Variants in SCGN observed in about 807,000 individuals in gnomAD.
The protein encoded by SCGN is secretagogin, EF-hand calcium binding protein, also known as secretagogin.
In SCGN, 30 loss-of-function variants were observed where a neutral mutation model predicts 39.7. That is an observed-to-expected ratio of 0.76 (90% CI 0.57 to 1.03). The LOEUF (loss-of-function observed/expected upper bound fraction) is 1.03, where lower values mean the gene tolerates loss of function less well. SCGN is among the 50% of genes least tolerant of loss of function. SCGN has a pLI of 0.00. For missense variants in SCGN, 353 were observed against 349.4 expected (o/e 1.01, Z -0.08); for synonymous variants, 106 against 114.1 (o/e 0.93, Z 0.45).
chr6:25,699,692 AAGTC>A (rs994989881), intron 10 of SCGN, among the ~76,000 whole-genome samples: 1 of 152,162 alleles, frequency 6.6e-6, no homozygotes, highest in African/African-American at 2.4e-5. Context: ...GGATTTTACA[AAGTC>A]AGTGCCCACC....
chr6:25,658,459 T>G (rs780917549), intron 2 of SCGN, among the ~76,000 whole-genome samples: 2 of 152,152 alleles, frequency 1.3e-5, no homozygotes, highest in African/African-American at 4.8e-5. Context: ...TTAATCATTT[T>G]GGGTTTCTAA....
chr6:25,689,557 C>T (rs759028048), intron 9 of SCGN, 25 bp downstream of exon 9: 1 of 1,598,278 alleles, frequency 6.3e-7, no homozygotes, highest in Non-Finnish European at 8.6e-7. Context: ...TTATACTGTG[C>T]TGGCCATCTC....
chr6:25,667,695 A>G (rs1760445227), intron 4 of SCGN, among the ~76,000 whole-genome samples: 1 of 152,138 alleles, frequency 6.6e-6, no homozygotes, highest in Non-Finnish European at 1.5e-5. Context: ...TTCTTCCTAG[A>G]GTATATCCTT....
chr6:25,664,991 C>T lies in SCGN; in HGVS notation c.295C>T (p.Arg99Cys), dbSNP rs200726171. 1.1e-4 allele frequency: 173 copies of T among 1,614,016 alleles called. No homozygotes were observed. In the Middle Eastern group the frequency reaches 1.5e-3, roughly 14 times the overall value. ...GGATGAAAACTTTCTTCTGCTCTTTCGCCGGGAAAACCCACTGGACAGCAG... is the reference window on the plus strand; with the variant it reads ...GGATGAAAACTTTCTTCTGCTCTTTTGCCGGGAAAACCCACTGGACAGCAG... The part of the protein sequence containing the change: ...SEDENFLLLF[R>C]RENPLDSSVE... Residue 99 changes from arginine to cysteine, a missense_variant, in exon 4 of 11, where the codon CGC becomes TGC. Arg to Cys is a radical substitution (Grantham distance 180, BLOSUM62 -3). Coordinates refer to ENST00000377961, the MANE Select transcript of SCGN (RefSeq NM_006998.4).
chr6:25,694,623 T>A (rs190820382), intron 10 of SCGN, among the ~76,000 whole-genome samples: 7 of 152,338 alleles, frequency 4.6e-5, no homozygotes, highest in Non-Finnish European at 8.8e-5. Flanking sequence ...TTTATTGGGA[T>A]TCTCCAGATG....
chr6:25,681,811 C>G, intron 6 of SCGN, 140 bp from the exon 7 acceptor site: 1 of 676,568 alleles, frequency 1.5e-6, no homozygotes, highest in Non-Finnish European at 2.7e-6. Flanking sequence ...GTGACAAATA[C>G]TAATTTTCCC....
intron 6 of SCGN, among the ~76,000 whole-genome samples, chr6:25,680,703 A>G (rs1454534183): frequency 2.0e-5 from 3 of 152,154 alleles, no homozygotes; most frequent in East Asian, 1.9e-4. Flanking sequence ...GTTTATCCCC[A>G]TCAGACTTTT....
intron 2 of SCGN, among the ~76,000 whole-genome samples, chr6:25,661,282 G>A (rs1760330786): frequency 6.6e-6 from 1 of 152,116 alleles, no homozygotes; most frequent in Non-Finnish European, 1.5e-5. Context: ...CAGCACCCTA[G>A]TCTCTAAGCT....
intron 6 of SCGN, among the ~76,000 whole-genome samples, chr6:25,673,325 T>G (rs1249539886): frequency 1.3e-5 from 2 of 152,046 alleles, no homozygotes; most frequent in Non-Finnish European, 2.9e-5. Context: ...AACCAGACCC[T>G]CCAGGGCAGA....
rs983682177 is a variant in SCGN, at chr6:25,689,463, C to T, written c.574-10C>T. On this transcript the variant is annotated splice_polypyrimidine_tract_variant and intron_variant, in intron 8 of 10. Transcript: ENST00000377961. ...TTGCTGGACTGACATAATGTTTTTTCCTTACACAGGCTTGTTCTACTGAAG... is the reference window on the plus strand; with the variant it reads ...TTGCTGGACTGACATAATGTTTTTTTCTTACACAGGCTTGTTCTACTGAAG... 15 of 1,611,258 alleles carry T rather than the reference C, an allele frequency of 9.3e-6. No individual in the cohort carries two copies. The highest frequency in any genetic ancestry group is 1.3e-5 in the Non-Finnish European group (15 of 1,177,984).
chr6:25,659,968 A>G (rs1760308362), intron 2 of SCGN, among the ~76,000 whole-genome samples: 1 of 152,216 alleles, frequency 6.6e-6, no homozygotes, highest in Non-Finnish European at 1.5e-5. Flanking sequence ...ACATTTTCTC[A>G]GCCAGTGATG....
intron 2 of SCGN, among the ~76,000 whole-genome samples, chr6:25,656,217 G>A (rs1228310623): frequency 6.6e-6 from 1 of 152,206 alleles, no homozygotes; most frequent in Non-Finnish European, 1.5e-5. Flanking sequence ...AATGCCCAGT[G>A]AGTACAGAAT....
chr6:25,674,950 T>A (rs1214086963), intron 6 of SCGN, among the ~76,000 whole-genome samples: 1 of 152,170 alleles, frequency 6.6e-6, no homozygotes, highest in East Asian at 1.9e-4. Flanking sequence ...TGATGTTAAA[T>A]CACATACCTA....
chr6:25,665,570 G>A (rs566469948), intron 4 of SCGN, among the ~76,000 whole-genome samples: 1 of 152,294 alleles, frequency 6.6e-6, no homozygotes, highest in African/African-American at 2.4e-5. Flanking sequence ...CTCTCTTACC[G>A]CTTTCCCTCT....
At chr6:25,684,800 T>C (rs560630124) in intron 7 of SCGN, among the ~76,000 whole-genome samples, 1 of 152,126 alleles carries the variant, frequency 6.6e-6, no homozygotes, top group East Asian at 1.9e-4. Context: ...CTGAGCAAGA[T>C]TCTATCTCAA....
chr6:25,677,563 C>A (rs940416176), intron 6 of SCGN, among the ~76,000 whole-genome samples: 3 of 151,886 alleles, frequency 2.0e-5, no homozygotes, highest in African/African-American at 7.3e-5. Context: ...AGAATGATTT[C>A]CAATAATTTA....
chr6:25,656,576 A>G (rs140028300), intron 2 of SCGN, among the ~76,000 whole-genome samples: 1 of 152,170 alleles, frequency 6.6e-6, no homozygotes, highest in African/African-American at 2.4e-5. Flanking sequence ...TTCTATGTGT[A>G]CATACCCCTC....
At chr6:25,686,376 C>T (rs925682491) in intron 7 of SCGN, among the ~76,000 whole-genome samples, 3 of 152,180 alleles carry the variant, frequency 2.0e-5, no homozygotes, top group Admixed American at 6.5e-5. Context: ...CTAATCAGCA[C>T]TTGTTATTGT....
chr6:25,680,704 T>C (rs1759627369), intron 6 of SCGN, among the ~76,000 whole-genome samples: 1 of 152,194 alleles, frequency 6.6e-6, no homozygotes, highest in Non-Finnish European at 1.5e-5. Context: ...TTTATCCCCA[T>C]CAGACTTTTT....
Sources: gnomAD v4.1 joint callset for allele counts (sites outside exome capture counted in the v4.1 genomes callset) on GRCh38, gnomAD v4.1.1 for gene constraint, MANE v1.5 for transcripts, NCBI Gene and HGNC (gene_info 2026-07-23, HGNC 2026-07-21) for gene names.